CADM2: variants seen among roughly 807,000 people sequenced by gnomAD.
CADM2 encodes the protein immunoglobulin superfamily member 4D.
CADM2 carries 12 observed loss-of-function variants against 49.8 expected under a neutral mutation model. The observed-to-expected ratio is 0.24, with a 90% CI of 0.15 to 0.39. The LOEUF is 0.39. Among genes scored for constraint, CADM2 ranks in the 10% least tolerant of loss-of-function variants. The probability of loss-of-function intolerance (pLI) is 1.00; values close to 1 mark genes in which losing one functional copy is unlikely to be tolerated. For synonymous variants in CADM2, 214 were observed against 175.4 expected, an observed-to-expected ratio of 1.22 and a Z score of -1.74; for missense variants, 378 against 492.3, an observed-to-expected ratio of 0.77 and a Z score of 2.20.
chr3:85,419,181 A>G (rs564592653), intron 1 of CADM2, among the ~76,000 whole-genome samples: 27 of 152,168 alleles, frequency 1.8e-4, no homozygotes, highest in African/African-American at 6.3e-4. Flanking sequence ...GAGGGCCGGG[A>G]GTGGTGGCTC....
chr3:85,358,645 A>G (rs2032072560), intron 1 of CADM2, among the ~76,000 whole-genome samples: 1 of 152,172 alleles, frequency 6.6e-6, no homozygotes, highest in Non-Finnish European at 1.5e-5. Context: ...AAGAAATTGC[A>G]TAGCCAATAA....
chr3:85,282,546 AC>A (rs1186669578), intron 1 of CADM2, among the ~76,000 whole-genome samples: 1 of 150,966 alleles, frequency 6.6e-6, no homozygotes, highest in Non-Finnish European at 1.5e-5. Context: ...TGCTGTGATT[AC>A]AGGGGTGATC....
At chr3:85,263,283 G>A (rs1203212221) in intron 1 of CADM2, among the ~76,000 whole-genome samples, 5 of 152,044 alleles carry the variant, frequency 3.3e-5, no homozygotes, top group Non-Finnish European at 5.9e-5. Flanking sequence ...ATAAGCCACC[G>A]CACCCAGCCT....
chr3:85,629,263 C>T (rs1323967750), intron 1 of CADM2, among the ~76,000 whole-genome samples: 3 of 151,628 alleles, frequency 2.0e-5, no homozygotes, highest in African/African-American at 7.3e-5. Context: ...AAATTAGAAA[C>T]ATTTCTACTT....
intron 2 of CADM2, among the ~76,000 whole-genome samples, chr3:85,766,082 T>G (rs2069641552): frequency 6.6e-6 from 1 of 152,122 alleles, no homozygotes; most frequent in Non-Finnish European, 1.5e-5. Context: ...CTCACCATCT[T>G]TTGGCCTGAT....
chr3:85,987,638 A>AATATGTTTATATTTATATAATTTATAAT, intron 8 of CADM2, among the ~76,000 whole-genome samples: 1 of 146,888 alleles, frequency 6.8e-6, no homozygotes, highest in Admixed American at 6.8e-5. Flanking sequence ...ATTATAATAA[A>AATATGTTTATATTTATATAATTTATAAT]ATATGTTTAT....
chr3:85,285,381 A>G (rs1287906643), intron 1 of CADM2, among the ~76,000 whole-genome samples: 1 of 152,140 alleles, frequency 6.6e-6, no homozygotes, highest in African/African-American at 2.4e-5. Flanking sequence ...ACCTAGGCAT[A>G]TACAGAGATG....
intron 1 of CADM2, among the ~76,000 whole-genome samples, chr3:85,332,854 A>G (rs2044969023): frequency 6.6e-6 from 1 of 151,848 alleles, no homozygotes; most frequent in African/African-American, 2.4e-5. Context: ...TTTTATTCCC[A>G]TTGCTTAAGA....
chr3:85,971,013 T>C (rs1051758911), intron 8 of CADM2, among the ~76,000 whole-genome samples: 2 of 151,596 alleles, frequency 1.3e-5, no homozygotes, highest in African/African-American at 4.8e-5. Context: ...CATAAGGATA[T>C]TATATTTAAG....
chr3:85,571,626 A>G (rs1181248237), intron 1 of CADM2, among the ~76,000 whole-genome samples: 1 of 152,196 alleles, frequency 6.6e-6, no homozygotes, highest in African/African-American at 2.4e-5. Context: ...AGCACATTGA[A>G]TTCTTACTCT....
At chr3:85,466,930 A>G (rs2107600828) in intron 1 of CADM2, among the ~76,000 whole-genome samples, 1 of 152,308 alleles carries the variant, frequency 6.6e-6, no homozygotes, top group Non-Finnish European at 1.5e-5. Context: ...ATTTTGATCC[A>G]GCAGAGAATT....
At chr3:85,952,248 T>C (rs1464906199) in intron 7 of CADM2, among the ~76,000 whole-genome samples, 1 of 150,802 alleles carries the variant, frequency 6.6e-6, no homozygotes, top group African/African-American at 2.4e-5. Context: ...TTTGAAATAA[T>C]TTTTTTCTTG....
chr3:85,332,491 AC>A (rs2044957017), intron 1 of CADM2, among the ~76,000 whole-genome samples: 1 of 151,914 alleles, frequency 6.6e-6, no homozygotes, highest in Non-Finnish European at 1.5e-5. Flanking sequence ...TGTAGGTTTG[AC>A]CTTTGTAATG....
chr3:86,002,057 A>G (rs191565291), intron 8 of CADM2, among the ~76,000 whole-genome samples: 3 of 152,264 alleles, frequency 2.0e-5, no homozygotes, highest in Admixed American at 1.3e-4. Context: ...GAGGATGAAT[A>G]TAAAATACTG....
intron 1 of CADM2, among the ~76,000 whole-genome samples, chr3:85,062,826 T>TTA (rs1330526484): frequency 6.6e-6 from 1 of 151,988 alleles, no homozygotes; most frequent in East Asian, 1.9e-4. Context: ...TGGAATTGTT[T>TTA]TAAAATTACA....
chr3:85,637,765 G>T (rs908957485), intron 1 of CADM2, among the ~76,000 whole-genome samples: 2 of 151,950 alleles, frequency 1.3e-5, no homozygotes, highest in Non-Finnish European at 2.9e-5. Flanking sequence ...GGATTCAAAT[G>T]CTCGTCTTCT....
At chr3:84,988,207 T>A (rs2107167237) in intron 1 of CADM2, among the ~76,000 whole-genome samples, 1 of 152,332 alleles carries the variant, frequency 6.6e-6, no homozygotes, top group South Asian at 2.1e-4. Flanking sequence ...GAGAGGCATT[T>A]GCTTCTCCTG....
At chr3:85,593,025 G>A (rs2107351181) in intron 1 of CADM2, among the ~76,000 whole-genome samples, 1 of 152,032 alleles carries the variant, frequency 6.6e-6, no homozygotes, top group Non-Finnish European at 1.5e-5. Flanking sequence ...GTCTGCCTAA[G>A]TGCTTTCCCA....
intron 1 of CADM2, among the ~76,000 whole-genome samples, chr3:85,719,096 A>G (rs2107761090): frequency 6.6e-6 from 1 of 152,022 alleles, no homozygotes; most frequent in Admixed American, 6.6e-5. Context: ...TATTTTTAGT[A>G]GATATGAGGT....
Sources: allele counts gnomAD v4.1 joint callset (sites outside exome capture counted in the v4.1 genomes callset), GRCh38; gene constraint gnomAD v4.1.1; transcripts MANE v1.5; gene names NCBI Gene and HGNC (gene_info 2026-07-23, HGNC 2026-07-21).